EDEM3: variants seen among roughly 807,000 people sequenced by gnomAD.
EDEM3 encodes the protein ER degradation enhancing alpha-mannosidase like protein 3.
Under a neutral mutation model 110.2 loss-of-function variants are expected in EDEM3, and 60 were observed. The ratio of observed to expected loss-of-function variants is 0.54; its 90% CI spans 0.44 to 0.67. The LOEUF is 0.67. Ranked by LOEUF, EDEM3 falls within the 30% of genes least tolerant of loss-of-function variation. The pLI, the probability that EDEM3 is intolerant of heterozygous loss-of-function variation, is 0.00. For synonymous variants in EDEM3, 352 were observed against 382.9 expected (o/e 0.92, Z 0.94); for missense variants, 996 against 1,121.0 (o/e 0.89, Z 1.59).
chr1:184,744,526 T>G (rs993266695), intron 2 of EDEM3, among the ~76,000 whole-genome samples: 2 of 151,754 alleles, frequency 1.3e-5, no homozygotes, highest in East Asian at 3.9e-4. Flanking sequence ...AAGTTAAACT[T>G]ACACTTGCCA....
At position 184,693,878 on chromosome 1, in the gene EDEM3, A is replaced by T; in HGVS notation, c.*185T>A. On this transcript the variant is annotated 3_prime_UTR_variant, in exon 20 of 20. Coordinates refer to ENST00000318130, the MANE Select transcript of EDEM3 (RefSeq NM_025191.4). ...TTTCCATTTTTGATGGGACAGTTTT[A>T]AACAAGGTCAATTCTAACACAGCAT... 1 of 615,200 alleles carries T rather than the reference A, an allele frequency of 1.6e-6. No individual in the cohort carries two copies. The highest frequency in any genetic ancestry group is 2.7e-6 in the Non-Finnish European group (1 of 370,368). 38.1% of individuals were successfully genotyped at this position (615,200 alleles called of 1,614,324 possible).
rs2102147825 is a variant in EDEM3 at position 184,754,605 on chromosome 1, G to A, written c.42C>T (p.Pro14=). 6.2e-7 allele frequency: 1 copy of A among 1,607,884 alleles called. No homozygotes were observed. Among genetic ancestry groups the A allele is most frequent in the South Asian group, 1.1e-5 (1 of 90,574 alleles). ...CCACTAGTCTCCATCGCGCTCGCTGGGGAACCGGGGACCCACAGCCCCGGC... is the reference window on the plus strand; with the variant it reads ...CCACTAGTCTCCATCGCGCTCGCTGAGGAACCGGGGACCCACAGCCCCGGC... The part of the protein sequence containing the change: ...AGGRGCGSPV[P]QRARWRLVAA... Residue 14 remains proline, a synonymous_variant, in exon 1 of 20, where the codon CCC becomes CCT. Transcript: ENST00000318130.
intron 4 of EDEM3, 44 bp from the exon 5 acceptor site, chr1:184,734,687 C>T: frequency 1.4e-6 from 1 of 712,610 alleles, no homozygotes; most frequent in Non-Finnish European, 2.2e-6. Flanking sequence ...TCTACCAAGA[C>T]AAGGAGAAAC....
chr1:184,721,136 G>T, intron 9 of EDEM3, 153 bp downstream of exon 9: 2 of 598,696 alleles, frequency 3.3e-6, no homozygotes, highest in Non-Finnish European at 2.9e-6. Flanking sequence ...CACTTTTTAC[G>T]CTGTCCCTGT....
intron 15 of EDEM3, 120 bp from the exon 16 acceptor site, chr1:184,710,667 G>T: frequency 8.9e-7 from 1 of 1,124,860 alleles, no homozygotes; most frequent in Non-Finnish European, 1.2e-6. Flanking sequence ...AGTGAAACTG[G>T]AATAACTAGA....
At chr1:184,700,371 T>A (rs752890841) in intron 19 of EDEM3, among the ~76,000 whole-genome samples, 7 of 151,972 alleles carry the variant, frequency 4.6e-5, no homozygotes, top group African/African-American at 7.2e-5. Flanking sequence ...GAAAAGGCAA[T>A]CTGGAGAACA....
At chr1:184,715,970 G>C (rs1325785678) in intron 13 of EDEM3, among the ~76,000 whole-genome samples, 2 of 152,140 alleles carry the variant, frequency 1.3e-5, no homozygotes, top group African/African-American at 4.8e-5. Flanking sequence ...TGTTTCTCAT[G>C]TCTTCAGTCT....
At chr1:184,735,622 A>G (rs574661877) in intron 4 of EDEM3, among the ~76,000 whole-genome samples, 9 of 152,210 alleles carry the variant, frequency 5.9e-5, no homozygotes, top group African/African-American at 2.2e-4. Context: ...AACATTCCAT[A>G]AGAGTATCTC....
At chr1:184,746,815 G>A (rs1387431903) in intron 2 of EDEM3, among the ~76,000 whole-genome samples, 2 of 152,114 alleles carry the variant, frequency 1.3e-5, no homozygotes, top group Non-Finnish European at 2.9e-5. Flanking sequence ...GTATTAGAAA[G>A]AACTAGTGAG....
intron 17 of EDEM3, 76 bp downstream of exon 17, chr1:184,708,077 G>T: frequency 7.9e-7 from 1 of 1,269,970 alleles, no homozygotes; most frequent in South Asian, 1.6e-5. Context: ...TACTAAATTA[G>T]AGAAGAGACT....
chr1:184,726,043 T>C (rs181532680), intron 7 of EDEM3, among the ~76,000 whole-genome samples: 46 of 152,324 alleles, frequency 3.0e-4, no homozygotes, highest in African/African-American at 9.9e-4. Flanking sequence ...TACTTCATAG[T>C]TGGTGAACAA....
intron 6 of EDEM3, among the ~76,000 whole-genome samples, chr1:184,730,760 A>C (rs756718319): frequency 6.6e-6 from 1 of 152,160 alleles, no homozygotes; most frequent in East Asian, 1.9e-4. Context: ...TCTCCAGTCA[A>C]GGATGACTTC....
intron 8 of EDEM3, among the ~76,000 whole-genome samples, chr1:184,722,380 A>G (rs913448111): frequency 6.6e-6 from 1 of 152,026 alleles, no homozygotes; most frequent in African/African-American, 2.4e-5. Flanking sequence ...TTTAATTCAC[A>G]GATGTAGGAA....
rs1016538888 is a variant in EDEM3, at chr1:184,714,665, G to A, written c.1371-2067C>T. Among the ~76,000 whole-genome samples, 16 of 152,120 alleles carry A rather than the reference G, an allele frequency of 1.1e-4. 1 individual carries two copies. The highest frequency in any genetic ancestry group is 6.2e-4 in the South Asian group (3 of 4,826). ...AACAGTTTGGATGAAAAAAATGTAA[G>A]GTATGCTCATCTAAACTATAGATCA... On this transcript the variant is annotated intron_variant, in intron 13 of 19. Transcript: ENST00000318130.
At chr1:184,753,411 T>A (rs1652885685) in intron 1 of EDEM3, among the ~76,000 whole-genome samples, 1 of 151,640 alleles carries the variant, frequency 6.6e-6, no homozygotes, top group Non-Finnish European at 1.5e-5. Context: ...AATGCACTTT[T>A]TTTTTTTTTT....
intron 4 of EDEM3, 95 bp downstream of exon 4, chr1:184,736,930 G>T: frequency 1.0e-6 from 1 of 990,806 alleles, no homozygotes; most frequent in East Asian, 2.4e-5. Context: ...TAATTCTGAA[G>T]GCTTCTATTT....
chr1:184,733,019 A>G (rs1484183992), intron 5 of EDEM3, 29 bp from the exon 6 acceptor site: 4 of 1,608,508 alleles, frequency 2.5e-6, no homozygotes, highest in Admixed American at 1.7e-5. Context: ...AACATTATCC[A>G]TATCTTATAG....
chr1:184,704,930 C>T (rs767692024), intron 18 of EDEM3, among the ~76,000 whole-genome samples: 8 of 151,634 alleles, frequency 5.3e-5, no homozygotes, highest in Non-Finnish European at 7.4e-5. Flanking sequence ...ATTAGCCAGG[C>T]GTGGTGGCAG....
At chr1:184,721,030 T>G in intron 9 of EDEM3, 1 of 325,502 alleles carries the variant, frequency 3.1e-6, no homozygotes. Flanking sequence ...TAGGTAAAAC[T>G]CAAATCTATT....
Sources: allele counts gnomAD v4.1 joint callset (sites outside exome capture counted in the v4.1 genomes callset), GRCh38; gene constraint gnomAD v4.1.1; transcripts MANE v1.5; gene names NCBI Gene and HGNC (gene_info 2026-07-23, HGNC 2026-07-21).